EEF1D: variants seen among roughly 807,000 people sequenced by gnomAD.
EEF1D encodes elongation factor 1-delta.
Under a neutral mutation model 63.9 loss-of-function variants are expected in EEF1D, and 47 were observed. The observed-to-expected ratio is 0.74, with a 90% CI of 0.58 to 0.94. The LOEUF is 0.94. EEF1D is among the 40% of genes least tolerant of loss of function. EEF1D has a pLI of 0.00. For missense variants in EEF1D, 907 were observed against 899.0 expected (o/e 1.01, Z -0.11); for synonymous variants, 412 against 386.1 (o/e 1.07, Z -0.79).
intron 2 of EEF1D, chr8:143,592,251 C>G: frequency 1.0e-6 from 1 of 985,538 alleles, no homozygotes; most frequent in Non-Finnish European, 1.2e-6. Context: ...ACTGAGCTGG[C>G]CCCCAGTGTT....
intron 3 of EEF1D, 57 bp downstream of exon 3, chr8:143,588,934 T>C: frequency 6.5e-7 from 1 of 1,534,832 alleles, no homozygotes; most frequent in South Asian, 1.2e-5. Context: ...CAGCCTGGGA[T>C]GGCTGTCCCT....
intron 3 of EEF1D, 76 bp downstream of exon 3, chr8:143,588,915 G>A (rs1827250585): frequency 1.3e-6 from 2 of 1,501,892 alleles, no homozygotes; most frequent in Non-Finnish European, 1.8e-6. Flanking sequence ...GAGGAAGCTG[G>A]AGGAGCCCCA....
chr8:143,592,129 G>A, intron 2 of EEF1D: 1 of 985,514 alleles, frequency 1.0e-6, no homozygotes, highest in Middle Eastern at 5.2e-4. Context: ...TTGTGGGTTG[G>A]GGGTGGGGTG....
At chr8:143,592,551 G>C in intron 2 of EEF1D, 96 bp downstream of exon 2, 1 of 958,394 alleles carries the variant, frequency 1.0e-6, no homozygotes, top group Non-Finnish European at 1.2e-6. Flanking sequence ...ACTGGGCCAT[G>C]CGCAGGTGGT....
At chr8:143,584,307 C>G (rs1010501106) in intron 5 of EEF1D, 1 of 150,884 alleles carries the variant, frequency 6.6e-6, no homozygotes, top group Admixed American at 6.6e-5. Context: ...AATCCCAGCA[C>G]TTTGAGAGGC....
chr8:143,588,931 G>C, intron 3 of EEF1D, 60 bp downstream of exon 3: 1 of 1,530,732 alleles, frequency 6.5e-7, no homozygotes, highest in Non-Finnish European at 8.7e-7. Flanking sequence ...CCCCAGCCTG[G>C]GATGGCTGTC....
chr8:143,589,596 C>T lies in EEF1D; in HGVS notation c.486G>A (p.Gly162=). 6.6e-7 allele frequency: 1 copy of T among 1,524,008 alleles called. No homozygotes were observed. The highest frequency in any genetic ancestry group is 8.8e-7 in the Non-Finnish European group (1 of 1,134,814). 94.4% of individuals were successfully genotyped at this position (1,524,008 alleles called of 1,614,324 possible). ...NQVACHHVTW[G]IWVNKSSFDQ... ...CGAAGGAGGACTTGTTGACCCAGAT[C>T]CCCCAGGTCACGTGGTGGCAGGCCA... is the stretch of plus-strand genomic sequence containing the variant. Residue 162 remains glycine (G), a synonymous_variant, in exon 3 of 10, where the codon GGG becomes GGA. Transcript: ENST00000618139.
In EEF1D at chr8:143,589,358, C is replaced by T. The variant is rs1413142947; in HGVS notation, c.724G>A (p.Ala242Thr). ...AGGGCCTCGTAGAAGCCCCTCTCGG[C>T]TGCATCATACCGGGGCTTCTCCAGC... ...VWLEKPRYDAAERGFYEALFD... is the reference protein window; with the variant it reads ...VWLEKPRYDATERGFYEALFD... Residue 242 changes from alanine to threonine, a missense_variant, in exon 3 of 10, where the codon GCC becomes ACC. By Grantham distance (58) the Ala-to-Thr change is moderately conservative. Coordinates refer to ENST00000618139, the MANE Select transcript of EEF1D (RefSeq NM_001130053.5). The T allele has an allele frequency of 1.3e-6, 2 of 1,568,258 alleles. No homozygotes were observed. Among genetic ancestry groups the T allele is most frequent in the South Asian group, 1.2e-5 (1 of 86,604 alleles).
At chr8:143,580,760 G>C in intron 7 of EEF1D, 33 bp from the exon 8 acceptor site, 2 of 1,607,554 alleles carry the variant, frequency 1.2e-6, no homozygotes, top group Non-Finnish European at 8.5e-7. Context: ...AGGCACGGCT[G>C]AGACGCCCCA....
Position 143,581,453 on chromosome 8 carries a change from G to A in EEF1D, c.1288-125C>T, listed in dbSNP as rs1239039169. The A allele has an allele frequency of 2.3e-5, 18 of 793,364 alleles. No homozygotes were observed. In the East Asian group the frequency reaches 2.9e-4, roughly 13 times the overall value. The allele number at this position is 793,364 out of a possible 1,614,324, so 49.1% of individuals were successfully genotyped here. ...CTCGGGAGAGCAGGAGGTGCCCCCCGCTGATGCCCAGCTCAAACTTATGAC... is the reference window on the plus strand; with the variant it reads ...CTCGGGAGAGCAGGAGGTGCCCCCCACTGATGCCCAGCTCAAACTTATGAC... On this transcript the variant is annotated intron_variant, in intron 5 of 9. Coordinates refer to ENST00000618139, the MANE Select transcript of EEF1D (RefSeq NM_001130053.5).
intron 5 of EEF1D, chr8:143,582,837 A>C (rs1380889329): frequency 6.6e-6 from 1 of 152,232 alleles, no homozygotes; most frequent in South Asian, 2.1e-4. Flanking sequence ...AGAGCCCCTC[A>C]GGGACTTGGG....
At chr8:143,581,383 CT>C in intron 5 of EEF1D, 55 bp from the exon 6 acceptor site, 2 of 1,521,394 alleles carry the variant, frequency 1.3e-6, no homozygotes, top group Admixed American at 3.7e-5. Context: ...TAGGGTCCCC[CT>C]GCCATGCTCA....
At chr8:143,592,461 G>C (rs1188117614) in intron 2 of EEF1D, among the ~76,000 whole-genome samples, 186 bp downstream of exon 2, 2 of 151,998 alleles carry the variant, frequency 1.3e-5, no homozygotes, top group African/African-American at 4.8e-5. Context: ...CGGCCACACA[G>C]GGTGCCCACC....
intron 4 of EEF1D, among the ~76,000 whole-genome samples, chr8:143,586,514 CCAAGTGCACAGGCG>C (rs1242787883): frequency 1.3e-5 from 2 of 152,216 alleles, no homozygotes; most frequent in East Asian, 3.9e-4. Context: ...TGGCCCCACA[CCAAGTGCACAGGCG>C]CCGGCAGGAG....
Position 143,581,312 on chromosome 8 carries a change from G to A in EEF1D, c.1304C>T (p.Ala435Val). The A allele has an allele frequency of 6.2e-7, 1 of 1,611,546 alleles. No individual in the cohort carries two copies. The highest frequency in any genetic ancestry group is 1.7e-5 in the Admixed American group (1 of 59,972). Residue 435 changes from alanine (A) to valine (V), a missense_variant, in exon 6 of 10, where the codon GCC (alanine) becomes GTC (valine). By Grantham distance (64) the Ala-to-Val change is moderately conservative (BLOSUM62 0). Transcript: ENST00000618139. ...KSLAGSSGPG[A>V]SSGTSGDHGE... ...GTGGTCTCCGCTGGTGCCGCTGGAG[G>A]CCCCGGGGCCTGAGCTCTGCAAGGC...
In EEF1D at chr8:143,580,682, C is replaced by T. The variant is rs1251423152; in HGVS notation, c.1534G>A (p.Ala512Thr). 1.2e-6 allele frequency: 2 copies of T among 1,613,906 alleles called. No individual in the cohort carries two copies. The highest frequency in any genetic ancestry group is 1.1e-5 in the South Asian group (1 of 91,074). Residue 512 changes from alanine to threonine, a missense_variant, in exon 8 of 10, where the codon GCC becomes ACC. By Grantham distance (58) the Ala-to-Thr change is moderately conservative. Transcript: ENST00000618139. ...TCCTCGTCATCCTCTGCTGGTGTGG[C>T]TGGCTTCTTGGCTGGGGGCTCCACT... ...RQVEPPAKKP[A>T]TPAEDDEDDD...
rs368505074 is a variant in EEF1D at position 143,589,550 on chromosome 8, C to T, written c.532G>A (p.Val178Met). 4.0e-5 allele frequency: 60 copies of T among 1,513,748 alleles called. No individual in the cohort carries two copies. The African/African-American group carries it at 6.7e-4, about 17-fold the overall frequency. 93.8% of individuals were successfully genotyped at this position (1,513,748 alleles called of 1,614,324 possible). Residue 178 changes from valine to methionine, a missense_variant, in exon 3 of 10, where the codon GTG becomes ATG. Physicochemically the swap from Val to Met is conservative, Grantham distance 21. Coordinates refer to ENST00000618139, the MANE Select transcript of EEF1D (RefSeq NM_001130053.5). ...SSFDQAERAF[V>M]EWSQALLLAP... ...AGCAACAGGGCCTGAGACCACTCCA[C>T]GAAGGCCCGCTCAGCCTGGTCGAAG... is the stretch of plus-strand genomic sequence containing the variant.
chr8:143,580,081 C>A lies in EEF1D; in HGVS notation c.1836G>T (p.Gln612His), dbSNP rs138717476. ...CCACCTTGTCGTCCTCCACCACACA[C>A]TGAATCTGTAGCTTCCGGATACCGT... ...VGYGIRKLQI[Q>H]CVVEDDKVGT... is the part of the protein sequence containing the mutation. Residue 612 changes from glutamine to histidine, a missense_variant, in exon 9 of 10, where the codon CAG (glutamine) becomes CAT (histidine). Coordinates refer to ENST00000618139, the MANE Select transcript of EEF1D (RefSeq NM_001130053.5). The A allele has an allele frequency of 2.1e-4, 336 of 1,614,092 alleles. 2 individuals carry two copies. In the South Asian group the frequency reaches 2.9e-3, roughly 14 times the overall value.
intron 1 of EEF1D, chr8:143,594,116 T>C (rs1358864301): frequency 6.0e-6 from 1 of 165,324 alleles, no homozygotes; most frequent in Non-Finnish European, 1.3e-5. Context: ...AGAAGCAGTC[T>C]TGGAAACGCC....
Sources: gnomAD v4.1 joint callset for allele counts (sites outside exome capture counted in the v4.1 genomes callset) on GRCh38, gnomAD v4.1.1 for gene constraint, MANE v1.5 for transcripts, NCBI Gene and HGNC (gene_info 2026-07-23, HGNC 2026-07-21) for gene names.